IL1RAPL2: variants seen among roughly 807,000 people sequenced by gnomAD.
IL1RAPL2 encodes interleukin 1 receptor accessory protein like 2, also known as X-linked interleukin-1 receptor accessory protein-like 2.
A neutral mutation model predicts 44.1 loss-of-function variants in IL1RAPL2; 3 were observed. The ratio of observed to expected loss-of-function variants is 0.07; its 90% CI spans 0.03 to 0.18. The LOEUF (loss-of-function observed/expected upper bound fraction) is 0.18. IL1RAPL2 is among the 10% of genes least tolerant of loss of function. The probability of loss-of-function intolerance (pLI) is 1.00; values close to 1 mark genes in which losing one functional copy is unlikely to be tolerated. For synonymous variants in IL1RAPL2, 181 were observed against 178.8 expected, an observed-to-expected ratio of 1.01 and a Z score of -0.10; for missense variants, 391 against 496.4, an observed-to-expected ratio of 0.79 and a Z score of 2.02.
intron 2 of IL1RAPL2, among the ~76,000 whole-genome samples, chrX:104,676,958 T>C (rs1356348934): frequency 8.9e-6 from 1 of 111,975 alleles, no homozygotes; most frequent in Non-Finnish European, 1.9e-5. Context: ...CATCAGCTCC[T>C]TTAAGCACTT....
intron 1 of IL1RAPL2, among the ~76,000 whole-genome samples, chrX:104,649,930 A>T (rs1008119208): frequency 8.9e-6 from 1 of 112,293 alleles, no homozygotes; most frequent in African/African-American, 3.2e-5. Context: ...GAAGCATAAC[A>T]TCATTACAAT....
intron 2 of IL1RAPL2, among the ~76,000 whole-genome samples, chrX:104,873,987 G>C (rs1335047829): frequency 1.8e-5 from 2 of 110,835 alleles, no homozygotes; most frequent in Admixed American, 9.6e-5. Flanking sequence ...TGCCAGAACA[G>C]GTTAGTTCCA....
At chrX:104,613,981 A>C (rs900914074) in intron 1 of IL1RAPL2, among the ~76,000 whole-genome samples, 1 of 110,050 alleles carries the variant, frequency 9.1e-6, no homozygotes, top group African/African-American at 3.3e-5. Context: ...GTGTGCATAG[A>C]GGTTTTTCAT....
At chrX:105,324,629 C>T (rs188309795) in intron 5 of IL1RAPL2, among the ~76,000 whole-genome samples, 205 of 111,812 alleles carry the variant, frequency 1.8e-3, no homozygotes, top group Non-Finnish European at 3.3e-3. Flanking sequence ...AAAGCAATTT[C>T]ACATACATTG....
chrX:105,250,796 T>C (rs1263487444), intron 4 of IL1RAPL2, among the ~76,000 whole-genome samples: 1 of 110,846 alleles, frequency 9.0e-6, no homozygotes, highest in Non-Finnish European at 1.9e-5. Flanking sequence ...AAAGCATTCA[T>C]GAGAGGGGAC....
chrX:104,774,470 T>G (rs1326931485), intron 2 of IL1RAPL2, among the ~76,000 whole-genome samples: 1 of 111,786 alleles, frequency 8.9e-6, no homozygotes, highest in African/African-American at 3.3e-5. Context: ...GAGACAGCAA[T>G]TAAAGGGCTG....
intron 1 of IL1RAPL2, among the ~76,000 whole-genome samples, chrX:104,610,831 A>T (rs1929139071): frequency 8.9e-6 from 1 of 111,918 alleles, no homozygotes; most frequent in Non-Finnish European, 1.9e-5. Flanking sequence ...GTCAATCCTA[A>T]GCCAAAAGAA....
chrX:105,625,553 C>T (rs1218723598), intron 6 of IL1RAPL2, among the ~76,000 whole-genome samples: 1 of 111,962 alleles, frequency 8.9e-6, no homozygotes, highest in African/African-American at 3.2e-5. Flanking sequence ...TGCATTTTAT[C>T]TTCTAACTGC....
chrX:104,677,552 TTGTC>T (rs1930797807), intron 2 of IL1RAPL2, among the ~76,000 whole-genome samples: 1 of 112,086 alleles, frequency 8.9e-6, no homozygotes, highest in Non-Finnish European at 1.9e-5. Flanking sequence ...GTCTTTTTGT[TTGTC>T]TGTGCCCTGC....
intron 5 of IL1RAPL2, among the ~76,000 whole-genome samples, chrX:105,356,465 A>G (rs1026182725): frequency 2.7e-5 from 3 of 111,846 alleles, no homozygotes; most frequent in African/African-American, 9.7e-5. Flanking sequence ...GAATTGTTCA[A>G]CAAAATATCT....
chrX:105,292,062 G>A (rs1011553993), intron 5 of IL1RAPL2, among the ~76,000 whole-genome samples: 1 of 111,117 alleles, frequency 9.0e-6, no homozygotes, highest in Admixed American at 9.6e-5. Flanking sequence ...TGCATATACT[G>A]AGGGACAACT....
chrX:105,727,874 C>T (rs967113794), intron 7 of IL1RAPL2, among the ~76,000 whole-genome samples: 3 of 111,277 alleles, frequency 2.7e-5, no homozygotes, highest in Non-Finnish European at 5.7e-5. Flanking sequence ...TAGCATTACA[C>T]ACACACTGTA....
At chrX:105,118,801 A>G (rs934892449) in intron 2 of IL1RAPL2, among the ~76,000 whole-genome samples, 15 of 112,195 alleles carry the variant, frequency 1.3e-4, no homozygotes, top group Non-Finnish European at 1.9e-5. Context: ...GTATTCGGAA[A>G]TGTTCATCAT....
chrX:104,847,758 C>T (rs1487115693), intron 2 of IL1RAPL2, among the ~76,000 whole-genome samples: 1 of 111,810 alleles, frequency 8.9e-6, no homozygotes, highest in Non-Finnish European at 1.9e-5. Context: ...ATGGGGATGG[C>T]ATTGAATCTA....
intron 6 of IL1RAPL2, among the ~76,000 whole-genome samples, chrX:105,556,884 T>A (rs867718784): frequency 8.9e-6 from 1 of 111,756 alleles, no homozygotes; most frequent in Non-Finnish European, 1.9e-5. Context: ...AAAAATAAAC[T>A]AATATAAGGA....
Position 104,894,578 on chromosome X carries a change from C to T in IL1RAPL2, c.82+235583C>T, listed in dbSNP as rs768810866. Reference sequence around the variant, plus strand: ...TATCTTTTCTTCCAGTTGATCGAATCGGCTACTGAATCTTGTGCATTCATC... The same window carrying T: ...TATCTTTTCTTCCAGTTGATCGAATTGGCTACTGAATCTTGTGCATTCATC... On this transcript the variant is annotated intron_variant, in intron 2 of 10. Coordinates refer to ENST00000372582, the MANE Select transcript of IL1RAPL2 (RefSeq NM_017416.2). Among the ~76,000 whole-genome samples, 9 of 112,068 alleles carry T rather than the reference C, an allele frequency of 8.0e-5. No individual in the cohort carries two copies. In the South Asian group the frequency reaches 1.1e-3, roughly 14 times the overall value.
intron 2 of IL1RAPL2, among the ~76,000 whole-genome samples, chrX:104,663,965 C>T (rs1441131437): frequency 2.7e-5 from 3 of 109,402 alleles, no homozygotes; most frequent in Middle Eastern, 4.6e-3. Context: ...GTGGGGCTGA[C>T]GGGGAGGGAA....
At chrX:104,824,477 T>C (rs1376443216) in intron 2 of IL1RAPL2, among the ~76,000 whole-genome samples, 1 of 112,172 alleles carries the variant, frequency 8.9e-6, no homozygotes, top group East Asian at 2.8e-4. Context: ...AGCTCCTCTT[T>C]GTACCTCTGG....
intron 2 of IL1RAPL2, among the ~76,000 whole-genome samples, chrX:104,873,831 G>A (rs1031645095): frequency 9.8e-5 from 11 of 111,717 alleles, no homozygotes; most frequent in Admixed American, 1.9e-4. Context: ...ATTAGCAAAT[G>A]AGTCCTTCTG....
Sources: gnomAD v4.1 joint callset for allele counts (sites outside exome capture counted in the v4.1 genomes callset) on GRCh38, gnomAD v4.1.1 for gene constraint, MANE v1.5 for transcripts, NCBI Gene and HGNC (gene_info 2026-07-23, HGNC 2026-07-21) for gene names.